The following DENND1B variants were observed in gnomAD, a reference collection of about 807,000 sequenced individuals.
DENND1B encodes DENN domain containing 1B.
A neutral mutation model predicts 90.1 loss-of-function variants in DENND1B; 59 were observed. The observed-to-expected ratio is 0.65, with a 90% CI of 0.53 to 0.81. The LOEUF is 0.81. Among genes scored for constraint, DENND1B ranks in the 40% least tolerant of loss-of-function variants. The pLI, the probability that DENND1B is intolerant of heterozygous loss-of-function variation, is 0.00. For synonymous variants in DENND1B, 337 were observed against 324.6 expected, an observed-to-expected ratio of 1.04 and a Z score of -0.41; for missense variants, 862 against 912.6, an observed-to-expected ratio of 0.94 and a Z score of 0.71.
chr1:197,525,637 T>C (rs1377687752), intron 20 of DENND1B, among the ~76,000 whole-genome samples: 1 of 152,104 alleles, frequency 6.6e-6, no homozygotes, highest in Non-Finnish European at 1.5e-5. Context: ...TAGTAAATTA[T>C]GTTTTCAAAA....
intron 2 of DENND1B, among the ~76,000 whole-genome samples, chr1:197,761,453 T>C (rs1444901566): frequency 2.6e-5 from 4 of 152,192 alleles, no homozygotes; most frequent in Admixed American, 6.5e-5. Context: ...TGAGGACATA[T>C]GATGTTCCCG....
chr1:197,599,372 T>G (rs1675994724), intron 13 of DENND1B, among the ~76,000 whole-genome samples: 1 of 151,790 alleles, frequency 6.6e-6, no homozygotes, highest in South Asian at 2.1e-4. Flanking sequence ...CTTTTAATGA[T>G]CACAAAGAGA....
At chr1:197,567,020 G>T (rs1221720834) in intron 15 of DENND1B, among the ~76,000 whole-genome samples, 1 of 151,812 alleles carries the variant, frequency 6.6e-6, no homozygotes, top group Non-Finnish European at 1.5e-5. Context: ...ATAAAGATTA[G>T]AACAGAACTA....
rs546380470 is a variant in DENND1B, at chr1:197,737,500, C to G, written c.83-22426G>C. ...TGTCTAGCAACATTAAACATTCCAT[C>G]TTGGAGGTATGACAAAACTCCACAG... On this transcript the variant is annotated intron_variant, in intron 2 of 22. Coordinates refer to ENST00000620048, the MANE Select transcript of DENND1B (RefSeq NM_001195215.2). Among the ~76,000 whole-genome samples the G allele has an allele frequency of 4.5e-4, 69 of 152,124 alleles. 1 individual carries two copies. The highest frequency in any genetic ancestry group is 8.4e-4 in the Non-Finnish European group (57 of 68,010).
Position 197,575,754 on chromosome 1 carries a change from A to G in DENND1B, c.1149+7398T>C, listed in dbSNP as rs942080796. On this transcript the variant is annotated intron_variant, in intron 15 of 22. Transcript: ENST00000620048. Reference sequence around the variant, plus strand: ...ACGTCATGGAATACTATGCAGCCATAAAAAAGGATGAGTTCATGTCCTTTG... The same window carrying G: ...ACGTCATGGAATACTATGCAGCCATGAAAAAGGATGAGTTCATGTCCTTTG... Among the ~76,000 whole-genome samples the G allele has an allele frequency of 1.2e-4, 18 of 152,334 alleles. 2 individuals carry two copies. Among genetic ancestry groups the G allele is most frequent in the African/African-American group, 4.1e-4 (17 of 41,580 alleles).
In DENND1B at chr1:197,510,582, C is replaced by A; in HGVS notation, c.2206G>T (p.Ala736Ser). 1 of 1,612,748 alleles carries A rather than the reference C, an allele frequency of 6.2e-7. No individual in the cohort carries two copies. Among genetic ancestry groups the A allele is most frequent in the South Asian group, 1.1e-5 (1 of 91,046 alleles). The change falls in exon 23 of 23, where the codon GCC becomes TCC. Residue 736 changes from alanine (A) to serine (S), a missense_variant. Coordinates refer to ENST00000620048, the MANE Select transcript of DENND1B (RefSeq NM_001195215.2). ...FVPWEKEGKEAKETSEDIGLL... is the reference protein window; with the variant it reads ...FVPWEKEGKESKETSEDIGLL... ...CCAATATCTTCTGAAGTCTCTTTGG[C>A]TTCTTTCCCTTCTTTCTCCCAAGGA...
intron 2 of DENND1B, among the ~76,000 whole-genome samples, chr1:197,766,505 T>C (rs576460611): frequency 2.6e-5 from 4 of 152,354 alleles, no homozygotes; most frequent in Middle Eastern, 3.4e-3. Flanking sequence ...TGAATGGTTA[T>C]AGATGAGTTT....
intron 2 of DENND1B, among the ~76,000 whole-genome samples, chr1:197,771,188 A>G (rs1011236154): frequency 6.6e-6 from 1 of 152,150 alleles, no homozygotes; most frequent in Admixed American, 6.5e-5. Flanking sequence ...CTGGGATTAT[A>G]GGCGTGAGCC....
chr1:197,652,895 CT>C (rs1653391682), intron 6 of DENND1B, among the ~76,000 whole-genome samples: 1 of 152,064 alleles, frequency 6.6e-6, no homozygotes, highest in Admixed American at 6.5e-5. Flanking sequence ...AATAATGTGC[CT>C]TGATGTGCAC....
At chr1:197,731,158 G>C (rs1412061414) in intron 2 of DENND1B, among the ~76,000 whole-genome samples, 3 of 152,066 alleles carry the variant, frequency 2.0e-5, no homozygotes, top group Non-Finnish European at 4.4e-5. Context: ...ATGAGAAAAT[G>C]AGACATCCAA....
At chr1:197,678,307 T>C (rs973232563) in intron 3 of DENND1B, among the ~76,000 whole-genome samples, 2 of 152,192 alleles carry the variant, frequency 1.3e-5, no homozygotes, top group Non-Finnish European at 2.9e-5. Context: ...TCAATAAAAA[T>C]ATTACACCAT....
chr1:197,713,758 ATAATTAT>A (rs1398615689), intron 3 of DENND1B, among the ~76,000 whole-genome samples: 143 of 77,590 alleles, frequency 1.8e-3, no homozygotes, highest in African/African-American at 6.3e-3. Flanking sequence ...TAAAAAAAAA[ATAATTAT>A]ATTATATTAT....
chr1:197,545,052 A>AAGGAGAAGGAGAAGGAGAAGGAGAAGG (rs77114737), intron 18 of DENND1B, among the ~76,000 whole-genome samples: 34 of 124,940 alleles, frequency 2.7e-4, no homozygotes, highest in African/African-American at 6.7e-4. Context: ...GGAGAAGGAG[A>AAGGAGAAGGAGAAGGAGAAGGAGAAGG]AGAAGAAGAA....
Position 197,746,818 on chromosome 1 carries a change from CT to C in DENND1B, c.82+26049del, listed in dbSNP as rs1347801509. 3 of 1,610,496 alleles carry C rather than the reference CT, an allele frequency of 1.9e-6. No individual in the cohort carries two copies. The East Asian group carries it at 6.7e-5, about 36-fold the overall frequency. ...CTTCAAACCCCCATGCAAGTTTCTT[CT>C]TTTTGGGGGCAGCCTGTGAATTTTC... is the stretch of plus-strand genomic sequence containing the variant. On this transcript the variant is annotated intron_variant, in intron 2 of 22. Transcript: ENST00000620048.
At chr1:197,529,230 ATATATATATATATGTGTGTG>A (rs1269704965) in intron 20 of DENND1B, among the ~76,000 whole-genome samples, 1 of 13,350 alleles carries the variant, frequency 7.5e-5, no homozygotes, top group Non-Finnish European at 2.1e-4. Context: ...ATATATATAT[ATATATATATATATGTGTGTG>A]TGTGTGTGTG....
At chr1:197,524,704 T>G (rs1669016405) in intron 20 of DENND1B, among the ~76,000 whole-genome samples, 1 of 152,162 alleles carries the variant, frequency 6.6e-6, no homozygotes, top group Non-Finnish European at 1.5e-5. Flanking sequence ...AGAGGAGGTA[T>G]ACAATCTCGA....
rs1458145852 is a variant in DENND1B at position 197,715,028 on chromosome 1, A to C, written c.126+3T>G. ...ATTTTTTAAAAAATTATGTGGTACC[A>C]ACCTGGTCTCCAAAGTCCTCTGGGA... On this transcript the variant is annotated splice_donor_region_variant and intron_variant, in intron 3 of 22. Transcript: ENST00000620048. 6.2e-7 allele frequency: 1 copy of C among 1,609,682 alleles called. No homozygotes were observed. Among genetic ancestry groups the C allele is most frequent in the Admixed American group, 1.7e-5 (1 of 59,916 alleles).
At chr1:197,600,697 TAAACAGTATAAAGGATAATAAAC>T (rs1328970153) in intron 13 of DENND1B, among the ~76,000 whole-genome samples, 1 of 151,554 alleles carries the variant, frequency 6.6e-6, no homozygotes, top group Non-Finnish European at 1.5e-5. Flanking sequence ...TAAAGGATAA[TAAACAGTATAAAGGATAATAAAC>T]AAACAGTATA....
At chr1:197,566,399 CA>C (rs1672672341) in intron 15 of DENND1B, among the ~76,000 whole-genome samples, 1 of 151,850 alleles carries the variant, frequency 6.6e-6, no homozygotes, top group East Asian at 1.9e-4. Flanking sequence ...AGCCCTTTGT[CA>C]GATGAATAGG....
Sources: gnomAD v4.1 joint callset for allele counts (sites outside exome capture counted in the v4.1 genomes callset) on GRCh38, gnomAD v4.1.1 for gene constraint, MANE v1.5 for transcripts, NCBI Gene and HGNC (gene_info 2026-07-23, HGNC 2026-07-21) for gene names.